KAZN: variants seen among roughly 807,000 people sequenced by gnomAD.
KAZN encodes the protein kazrin, periplakin interacting protein, also known as kazrin.
KAZN carries 40 observed loss-of-function variants against 87.4 expected under a neutral mutation model. The ratio of observed to expected loss-of-function variants is 0.46; its 90% CI spans 0.36 to 0.60. The LOEUF is 0.60. Among genes scored for constraint, KAZN ranks in the 20% least tolerant of loss-of-function variants. The probability of loss-of-function intolerance (pLI) is 0.00; values close to 1 mark genes in which losing one functional copy is unlikely to be tolerated. For missense variants in KAZN, 898 were observed against 1,073.9 expected (o/e 0.84, Z 2.29); for synonymous variants, 466 against 458.3 (o/e 1.02, Z -0.22).
At chr1:13,914,309 G>A (rs966521753) in intron 1 of KAZN, among the ~76,000 whole-genome samples, 1 of 152,216 alleles carries the variant, frequency 6.6e-6, no homozygotes, top group East Asian at 1.9e-4. Context: ...AGTTCATTTA[G>A]CCCCCTGAGC....
intron 1 of KAZN, among the ~76,000 whole-genome samples, chr1:13,915,671 G>A (rs1428356791): frequency 2.0e-5 from 3 of 152,220 alleles, no homozygotes; most frequent in South Asian, 4.1e-4. Context: ...CATTCCAGAT[G>A]AAGGAGGAAG....
Position 14,361,730 on chromosome 1 carries a change from G to A in KAZN, c.249+181138G>A, listed in dbSNP as rs527596589. 3.9e-5 allele frequency among the ~76,000 whole-genome samples: 6 copies of A among 152,344 alleles called. No homozygotes were observed. The East Asian group carries it at 1.2e-3, about 29-fold the overall frequency. The stretch of plus-strand genomic sequence containing the variant: ...GTGGGCTGCACCCACTGTCTGACCA[G>A]TCCCAATAAGATGAGCCAGGTACCT... On this transcript the variant is annotated intron_variant, in intron 2 of 16. Transcript: ENST00000636203.
At position 14,684,351 on chromosome 1, in the gene KAZN, G is replaced by C. The variant is rs147050878; in HGVS notation, c.226+85128G>C. Among the ~76,000 whole-genome samples the C allele has an allele frequency of 3.2e-3, 481 of 152,282 alleles. 2 individuals carry two copies. The highest frequency in any genetic ancestry group is 0.011 in the African/African-American group (455 of 41,562). On this transcript the variant is annotated intron_variant, in intron 1 of 14. Transcript: ENST00000376030. ...ACCACTCATGGGTTCTTTGACCTCA[G>C]GAGCAAGCTATTTCACCCTGAATGC...
At chr1:13,899,963 C>G (rs1639186370) in intron 1 of KAZN, among the ~76,000 whole-genome samples, 2 of 152,084 alleles carry the variant, frequency 1.3e-5, no homozygotes, top group African/African-American at 4.8e-5. Context: ...ATGGTGCTGA[C>G]AATGTAGCAG....
In KAZN at chr1:14,917,839, CTTCT is replaced by C. The variant is rs1240084452; in HGVS notation, c.227-42835_227-42832del. Among the ~76,000 whole-genome samples the C allele has an allele frequency of 1.8e-3, 250 of 136,374 alleles. 2 individuals are homozygous for C. The highest frequency in any genetic ancestry group is 6.2e-3 in the African/African-American group (236 of 37,964). 89.5% of individuals were successfully genotyped at this position (136,374 alleles called of 152,430 possible). ...AGATTGGGGGTGAGATCTAAATGTA[CTTCT>C]TTCTTTCTTCCTTCCTTCCTTCCTT... On this transcript the variant is annotated intron_variant, in intron 1 of 14. Transcript: ENST00000376030.
chr1:14,492,277 C>T (rs964006981), intron 2 of KAZN, among the ~76,000 whole-genome samples: 1 of 152,038 alleles, frequency 6.6e-6, no homozygotes, highest in Non-Finnish European at 1.5e-5. Flanking sequence ...CTCAGGGCTC[C>T]CTGGAATTTG....
intron 1 of KAZN, among the ~76,000 whole-genome samples, chr1:14,639,770 C>A (rs1181413476): frequency 6.6e-6 from 1 of 152,122 alleles, no homozygotes; most frequent in Non-Finnish European, 1.5e-5. Context: ...ACACTCAGAC[C>A]CATCTCTTTT....
chr1:14,758,036 C>T (rs181332804), intron 1 of KAZN, among the ~76,000 whole-genome samples: 5 of 152,298 alleles, frequency 3.3e-5, no homozygotes, highest in Admixed American at 2.0e-4. Context: ...GTTGCCACAG[C>T]CACAACACAG....
intron 1 of KAZN, among the ~76,000 whole-genome samples, chr1:14,777,160 T>TGTG (rs199747295): frequency 0.093 from 8,074 of 87,016 alleles, 325 homozygotes; most frequent in South Asian, 0.23. Context: ...GCTAATTTTT[T>TGTG]TTTTTTTTTG....
intron 2 of KAZN, among the ~76,000 whole-genome samples, chr1:14,355,209 G>A (rs530236909): frequency 6.6e-6 from 1 of 152,180 alleles, no homozygotes; most frequent in South Asian, 2.1e-4. Context: ...GACTAGGTGG[G>A]AACAAGAAGG....
rs574455822 is a variant in KAZN, at chr1:14,214,842, G to A, written c.249+34250G>A. Among the ~76,000 whole-genome samples the A allele has an allele frequency of 1.3e-3, 199 of 152,336 alleles. 3 individuals are homozygous for A. In the South Asian group the frequency reaches 0.014, roughly 10 times the overall value. On this transcript the variant is annotated intron_variant, in intron 2 of 16. Transcript: ENST00000636203. ...TTGCAAGTGCATTGTGCCCAAGGCC[G>A]TGTGCTGAGCACAAGGAATGCAGAG...
intron 2 of KAZN, among the ~76,000 whole-genome samples, chr1:14,224,230 A>G (rs535726049): frequency 9.9e-5 from 15 of 152,256 alleles, no homozygotes; most frequent in South Asian, 2.1e-4. Context: ...ATAAAGGCCA[A>G]AGGGGCAGGG....
intron 1 of KAZN, among the ~76,000 whole-genome samples, chr1:13,990,009 G>C (rs1639203949): frequency 6.6e-6 from 1 of 152,218 alleles, no homozygotes; most frequent in South Asian, 2.1e-4. Context: ...AAAGTACAGA[G>C]AATGTGTTAC....
intron 1 of KAZN, among the ~76,000 whole-genome samples, chr1:13,896,034 C>T (rs1639029527): frequency 6.6e-6 from 1 of 151,948 alleles, no homozygotes; most frequent in South Asian, 2.1e-4. Flanking sequence ...CTTTGTCACC[C>T]AGGCTACAGT....
At chr1:14,325,871 A>G (rs1656372752) in intron 2 of KAZN, among the ~76,000 whole-genome samples, 2 of 152,052 alleles carry the variant, frequency 1.3e-5, no homozygotes, top group South Asian at 4.2e-4. Flanking sequence ...TCCTCCAACT[A>G]CCCCATCTAC....
chr1:14,460,600 T>TCTATGACAA (rs1185571535), intron 2 of KAZN, among the ~76,000 whole-genome samples: 1 of 152,196 alleles, frequency 6.6e-6, no homozygotes, highest in Non-Finnish European at 1.5e-5. Context: ...CCTCTCCTCC[T>TCTATGACAA]CTATGACAAT....
chr1:14,291,113 G>T (rs1653653016), intron 2 of KAZN, among the ~76,000 whole-genome samples: 1 of 152,226 alleles, frequency 6.6e-6, no homozygotes, highest in Non-Finnish European at 1.5e-5. Context: ...ACTGGGAGAT[G>T]CCTCCCTGTT....
At chr1:14,555,522 CA>C (rs1471760670) in intron 2 of KAZN, among the ~76,000 whole-genome samples, 2 of 152,136 alleles carry the variant, frequency 1.3e-5, no homozygotes, top group Non-Finnish European at 2.9e-5. Flanking sequence ...ATTGAATCTA[CA>C]TTTCAAGATG....
At chr1:14,163,116 T>C (rs568516819) in intron 1 of KAZN, among the ~76,000 whole-genome samples, 1 of 152,282 alleles carries the variant, frequency 6.6e-6, no homozygotes, top group South Asian at 2.1e-4. Flanking sequence ...TCTGTATGGG[T>C]CTGCAGCAAC....
Sources: gnomAD v4.1 joint callset for allele counts (sites outside exome capture counted in the v4.1 genomes callset) on GRCh38, gnomAD v4.1.1 for gene constraint, MANE v1.5 for transcripts, NCBI Gene and HGNC (gene_info 2026-07-23, HGNC 2026-07-21) for gene names.